Variants in PDZD2 observed in about 807,000 individuals in gnomAD.
The protein encoded by PDZD2 is PDZ domain-containing protein 2.
Under a neutral mutation model 220.7 loss-of-function variants are expected in PDZD2, and 90 were observed. That is an observed-to-expected ratio of 0.41 (90% CI 0.34 to 0.49). The LOEUF is 0.49. PDZD2 is among the 20% of genes least tolerant of loss of function. PDZD2 has a pLI of 0.28. For missense variants in PDZD2, 3,174 were observed against 3,608.5 expected, an observed-to-expected ratio of 0.88 and a Z score of 3.08; for synonymous variants, 1,375 against 1,450.5, an observed-to-expected ratio of 0.95 and a Z score of 1.18.
chr5:31,833,914 C>T (rs1382637557), intron 2 of PDZD2, among the ~76,000 whole-genome samples: 4 of 152,214 alleles, frequency 2.6e-5, no homozygotes, highest in Non-Finnish European at 5.9e-5. Context: ...CCTGTGCCTG[C>T]TGGGCAGTGC....
In PDZD2 at chr5:31,639,838, C is replaced by A. The variant is rs1044183463; in HGVS notation, c.-361+401C>A. ...ACAGGAGTGGAGGTACTCAGGTACT[C>A]CGGCCTCAGGTAATGTCTTGGGGAC... On this transcript the variant is annotated intron_variant, in intron 1 of 24. Coordinates refer to ENST00000438447, the MANE Select transcript of PDZD2 (RefSeq NM_178140.4). The surrounding 1 kb of genome is among the most constrained non-coding windows in gnomAD (Gnocchi z 4.1). Among the ~76,000 whole-genome samples the A allele has an allele frequency of 3.9e-5, 6 of 152,212 alleles. No homozygotes were observed. Among genetic ancestry groups the A allele is most frequent in the Admixed American group, 6.5e-5 (1 of 15,290 alleles).
chr5:31,898,827 GT>G (rs1741823444), intron 2 of PDZD2, among the ~76,000 whole-genome samples: 2 of 81,026 alleles, frequency 2.5e-5, no homozygotes, highest in African/African-American at 9.0e-5. Context: ...TTTTTTTTTT[GT>G]TTTTTTTCTT....
intron 1 of PDZD2, among the ~76,000 whole-genome samples, chr5:31,706,274 C>A (rs1272440747): frequency 2.6e-5 from 4 of 152,126 alleles, no homozygotes; most frequent in Admixed American, 2.0e-4. Context: ...TCCTTGTAGA[C>A]AAAGCACATG....
chr5:31,903,831 C>A (rs1349397716), intron 2 of PDZD2, among the ~76,000 whole-genome samples: 1 of 151,998 alleles, frequency 6.6e-6, no homozygotes, highest in East Asian at 1.9e-4. Context: ...TCACGCAATT[C>A]TTCTGCCTCA....
intron 2 of PDZD2, among the ~76,000 whole-genome samples, chr5:31,876,485 G>C (rs1000040626): frequency 1.3e-5 from 2 of 151,862 alleles, no homozygotes; most frequent in Admixed American, 6.6e-5. Context: ...TAGAGACAGG[G>C]TTTCACCATG....
At chr5:31,912,331 C>T (rs1743283203) in intron 2 of PDZD2, among the ~76,000 whole-genome samples, 1 of 152,158 alleles carries the variant, frequency 6.6e-6, no homozygotes, top group Non-Finnish European at 1.5e-5. Flanking sequence ...ACTAATCCCA[C>T]TCATGAGCGC....
At chr5:31,671,524 T>C (rs1746216071) in intron 1 of PDZD2, among the ~76,000 whole-genome samples, 1 of 152,166 alleles carries the variant, frequency 6.6e-6, no homozygotes, top group African/African-American at 2.4e-5. Context: ...CTCTAAGCCA[T>C]TGTCCTTGAA....
At chr5:31,684,707 C>T (rs1746782658) in intron 1 of PDZD2, among the ~76,000 whole-genome samples, 1 of 152,146 alleles carries the variant, frequency 6.6e-6, no homozygotes, top group African/African-American at 2.4e-5. Context: ...GCCTATCTTC[C>T]TTGCCTCTTC....
At chr5:31,901,524 C>T (rs1053115076) in intron 2 of PDZD2, among the ~76,000 whole-genome samples, 1 of 152,096 alleles carries the variant, frequency 6.6e-6, no homozygotes, top group African/African-American at 2.4e-5. Context: ...AAACAATTTT[C>T]AGTACCTTTG....
chr5:32,064,559 A>T (rs1005847955), intron 14 of PDZD2, among the ~76,000 whole-genome samples: 2 of 152,038 alleles, frequency 1.3e-5, no homozygotes, highest in African/African-American at 4.8e-5. Context: ...CACTTTTAAC[A>T]CTATTTTTTA....
intron 6 of PDZD2, among the ~76,000 whole-genome samples, chr5:32,014,706 CTTTTTT>C (rs556276502): frequency 6.3e-5 from 6 of 95,412 alleles, no homozygotes; most frequent in Admixed American, 1.2e-4. Context: ...ATGACAATTT[CTTTTTT>C]TTTTTTTTTT....
Position 31,908,082 on chromosome 5 carries a change from C to CA in PDZD2, c.477-75047dup, listed in dbSNP as rs55741622. Among the ~76,000 whole-genome samples, 705 of 76,896 alleles carry CA rather than the reference C, an allele frequency of 9.2e-3. 40 individuals carry two copies. The highest frequency in any genetic ancestry group is 0.024 in the African/African-American group (444 of 18,384). 50.4% of individuals were successfully genotyped at this position (76,896 alleles called of 152,430 possible). A position where few individuals can be genotyped will look rare whatever the true frequency, so the allele number is the denominator to read the frequency against. On this transcript the variant is annotated intron_variant, in intron 2 of 24. Transcript: ENST00000438447. ...TGGGTGACAGAGCCAGGCTCCGTCT[C>CA]AAAAAAAAAAAAAAAAAAAAAAAAA...
chr5:32,041,218 A>G (rs1189498113), intron 7 of PDZD2, among the ~76,000 whole-genome samples: 4 of 111,492 alleles, frequency 3.6e-5, no homozygotes, highest in African/African-American at 7.1e-5. Flanking sequence ...GGAGGTGGGG[A>G]GCGCCTCTGC....
At chr5:31,834,551 C>T (rs1756827982) in intron 2 of PDZD2, among the ~76,000 whole-genome samples, 1 of 152,098 alleles carries the variant, frequency 6.6e-6, no homozygotes, top group Admixed American at 6.6e-5. Context: ...TTGCACATAC[C>T]TTTCTGCTAC....
chr5:31,788,806 A>G (rs906534713), intron 1 of PDZD2, among the ~76,000 whole-genome samples: 4 of 152,224 alleles, frequency 2.6e-5, no homozygotes, highest in Non-Finnish European at 5.9e-5. Context: ...GGACTGCACA[A>G]CTATGCTAAT....
intron 19 of PDZD2, among the ~76,000 whole-genome samples, chr5:32,079,029 G>C (rs966715042): frequency 1.3e-5 from 2 of 151,514 alleles, no homozygotes; most frequent in Non-Finnish European, 2.9e-5. Context: ...GATGCCAAGG[G>C]GGGGCCGATC....
intron 24 of PDZD2, among the ~76,000 whole-genome samples, chr5:32,105,926 G>A (rs1056949979): frequency 2.6e-5 from 4 of 152,180 alleles, no homozygotes; most frequent in African/African-American, 9.6e-5. Context: ...CCTCTGCTTT[G>A]TACAACACTG....
At chr5:32,058,981 G>C (rs942038869) in intron 12 of PDZD2, among the ~76,000 whole-genome samples, 1 of 152,160 alleles carries the variant, frequency 6.6e-6, no homozygotes, top group African/African-American at 2.4e-5. Context: ...GATGTGAGGA[G>C]GTTAGTTAGA....
chr5:31,805,118 C>G (rs1335922219), intron 2 of PDZD2, among the ~76,000 whole-genome samples: 1 of 152,150 alleles, frequency 6.6e-6, no homozygotes, highest in Admixed American at 6.6e-5. Flanking sequence ...TCACTTGAAC[C>G]CAGGAGGTGG....
Sources: allele counts gnomAD v4.1 joint callset (sites outside exome capture counted in the v4.1 genomes callset), GRCh38; gene constraint gnomAD v4.1.1; non-coding constraint Gnocchi (gnomAD v3.1); transcripts MANE v1.5; gene names NCBI Gene and HGNC (gene_info 2026-07-23, HGNC 2026-07-21).